Variants in CLPB observed in about 807,000 individuals in gnomAD.
CLPB encodes ClpB family mitochondrial disaggregase.
CLPB carries 40 observed loss-of-function variants against 78.4 expected under a neutral mutation model. The ratio of observed to expected loss-of-function variants is 0.51; its 90% CI spans 0.40 to 0.66. The LOEUF is 0.66. Ranked by LOEUF, CLPB falls within the 30% of genes least tolerant of loss-of-function variation. The pLI, the probability that CLPB is intolerant of heterozygous loss-of-function variation, is 0.00. For synonymous variants in CLPB, 333 were observed against 348.0 expected (o/e 0.96, Z 0.48); for missense variants, 780 against 886.9 (o/e 0.88, Z 1.53).
At chr11:72,399,485 A>G (rs996810782) in intron 3 of CLPB, among the ~76,000 whole-genome samples, 1 of 152,344 alleles carries the variant, frequency 6.6e-6, no homozygotes, top group African/African-American at 2.4e-5. Context: ...AAATTAAATT[A>G]TTGTGCATAT....
chr11:72,409,156 C>T (rs1259844896), intron 2 of CLPB, among the ~76,000 whole-genome samples: 1 of 152,152 alleles, frequency 6.6e-6, no homozygotes, highest in African/African-American at 2.4e-5. Context: ...CATAGTGGGC[C>T]TTTCTGGGCT....
intron 2 of CLPB, among the ~76,000 whole-genome samples, chr11:72,415,763 G>A (rs761026879): frequency 1.2e-4 from 19 of 152,168 alleles, no homozygotes; most frequent in Non-Finnish European, 1.2e-4. Flanking sequence ...GGAGTGTAAC[G>A]CAGCTGCCAA....
chr11:72,351,075 A>G (rs962095823), intron 5 of CLPB, among the ~76,000 whole-genome samples: 6 of 152,238 alleles, frequency 3.9e-5, no homozygotes, highest in African/African-American at 1.2e-4. Context: ...AACCTTTAGT[A>G]TTCAATCACC....
intron 7 of CLPB, among the ~76,000 whole-genome samples, chr11:72,316,436 C>T (rs868620301): frequency 3.2e-4 from 49 of 152,138 alleles, no homozygotes; most frequent in Admixed American, 7.9e-4. Flanking sequence ...GCTCCAGAGT[C>T]GGAGAACAAA....
intron 2 of CLPB, among the ~76,000 whole-genome samples, chr11:72,424,747 G>A (rs546301795): frequency 5.9e-5 from 9 of 152,256 alleles, no homozygotes; most frequent in African/African-American, 1.2e-4. Context: ...TTAGCCGGGC[G>A]CGTTGGCGGG....
At chr11:72,369,964 C>T (rs1157916875) in intron 4 of CLPB, among the ~76,000 whole-genome samples, 1 of 152,096 alleles carries the variant, frequency 6.6e-6, no homozygotes, top group African/African-American at 2.4e-5. Flanking sequence ...ACAGCTCGAC[C>T]GTCATCTGTA....
intron 2 of CLPB, among the ~76,000 whole-genome samples, chr11:72,427,735 G>T (rs1052138313): frequency 6.6e-6 from 1 of 152,144 alleles, no homozygotes; most frequent in Admixed American, 6.5e-5. Flanking sequence ...TTAGGTTTGG[G>T]TAAGTATACT....
intron 11 of CLPB, 126 bp from the exon 12 acceptor site, chr11:72,295,774 G>T: frequency 2.2e-6 from 2 of 895,246 alleles, no homozygotes; most frequent in Non-Finnish European, 3.4e-6. Context: ...AGCCCCAGCA[G>T]CCAGCTGCTT....
chr11:72,345,210 G>A (rs967219646), intron 5 of CLPB, among the ~76,000 whole-genome samples: 1 of 152,094 alleles, frequency 6.6e-6, no homozygotes, highest in African/African-American at 2.4e-5. Flanking sequence ...CCTCCAACAA[G>A]ACCAAAATAT....
Position 72,406,605 on chromosome 11 carries a change from G to A in CLPB, c.456-3553C>T, listed in dbSNP as rs1855717016. ...CTATCTCACTTCCATCATTTTGATGGAACAAAGTGTTGCACTCTCAAGCTG... is the reference window on the plus strand; with the variant it reads ...CTATCTCACTTCCATCATTTTGATGAAACAAAGTGTTGCACTCTCAAGCTG... On this transcript the variant is annotated intron_variant, in intron 2 of 15. Coordinates refer to ENST00000538039, the MANE Select transcript of CLPB (RefSeq NM_001258392.3). 3.3e-5 allele frequency among the ~76,000 whole-genome samples: 5 copies of A among 152,136 alleles called. No individual in the cohort carries two copies. The South Asian group carries it at 1.0e-3, about 32-fold the overall frequency.
chr11:72,359,693 T>C (rs1950796362), intron 4 of CLPB, among the ~76,000 whole-genome samples: 1 of 152,236 alleles, frequency 6.6e-6, no homozygotes, highest in African/African-American at 2.4e-5. Flanking sequence ...GATTTTGATA[T>C]ATGTTCTTCC....
chr11:72,326,843 T>C (rs547673058), intron 6 of CLPB, among the ~76,000 whole-genome samples: 6 of 152,230 alleles, frequency 3.9e-5, no homozygotes, highest in Non-Finnish European at 7.3e-5. Flanking sequence ...GGAAGCTTTT[T>C]GCAGTTTGGA....
At chr11:72,308,055 C>T (rs548838219) in intron 8 of CLPB, among the ~76,000 whole-genome samples, 7 of 152,264 alleles carry the variant, frequency 4.6e-5, no homozygotes, top group African/African-American at 1.7e-4. Context: ...TAATCCAGCC[C>T]AACTGGCTAG....
At position 72,292,581 on chromosome 11, in the gene CLPB, G is replaced by A. The variant is rs1250886582; in HGVS notation, c.*786C>T. The A allele has an allele frequency of 6.6e-6, 1 of 152,400 alleles. No homozygotes were observed. Among genetic ancestry groups the A allele is most frequent in the Non-Finnish European group, 1.5e-5 (1 of 68,206 alleles). 9.4% of individuals were successfully genotyped at this position (152,400 alleles called of 1,614,324 possible). ...CCTACAGCTTCCTAATGTCTGCGAT[G>A]TTGGTCTTTTGAAGGAGGCCCCCAC... On this transcript the variant is annotated 3_prime_UTR_variant, in exon 16 of 16. Transcript: ENST00000538039.
intron 1 of CLPB, chr11:72,430,632 C>T (rs144322204): frequency 4.6e-5 from 22 of 473,258 alleles, no homozygotes; most frequent in Admixed American, 1.5e-4. Flanking sequence ...GCTAGCACCA[C>T]GTCTTGCCTA....
rs77195493 is a variant in CLPB, at chr11:72,433,233, T to C, written c.403+839A>G. Among the ~76,000 whole-genome samples the C allele has an allele frequency of 1.2e-4, 18 of 152,108 alleles. No homozygotes were observed. In the East Asian group the frequency reaches 3.5e-3, roughly 29 times the overall value. ...AAAAAGAGTCAAAATAACAGTACTG[T>C]AAAAATGTTGGGAAACTATCCTTCA... On this transcript the variant is annotated intron_variant, in intron 1 of 15. Coordinates refer to ENST00000538039, the MANE Select transcript of CLPB (RefSeq NM_001258392.3).
At position 72,434,167 on chromosome 11, in the gene CLPB, C is replaced by G; in HGVS notation, c.308G>C (p.Ser103Thr). ...GGCCCTGCTGGGGACCCCGTTCCAGCTGTCCTGTCCTGGGAGTGTTTCTTC... is the reference window on the plus strand; with the variant it reads ...GGCCCTGCTGGGGACCCCGTTCCAGGTGTCCTGTCCTGGGAGTGTTTCTTC... ...GPEETLPGQD[S>T]WNGVPSRAGL... Residue 103 changes from serine (S) to threonine (T), a missense_variant, in exon 1 of 16, where the codon AGC (serine) becomes ACC (threonine). Coordinates refer to ENST00000538039, the MANE Select transcript of CLPB (RefSeq NM_001258392.3). 6.2e-7 allele frequency: 1 copy of G among 1,613,146 alleles called. No homozygotes were observed. Among genetic ancestry groups the G allele is most frequent in the South Asian group, 1.1e-5 (1 of 91,082 alleles).
intron 4 of CLPB, among the ~76,000 whole-genome samples, chr11:72,374,291 A>G (rs535510326): frequency 2.2e-4 from 33 of 152,318 alleles, no homozygotes; most frequent in Non-Finnish European, 3.7e-4. Flanking sequence ...TAAGATGGGT[A>G]TTGTTTTTAC....
At chr11:72,294,953 G>A (rs1949524041) in intron 12 of CLPB, among the ~76,000 whole-genome samples, 1 of 149,164 alleles carries the variant, frequency 6.7e-6, no homozygotes, top group African/African-American at 2.5e-5. Context: ...GAGAGGAAAC[G>A]TCAGGATTAA....
Sources: gnomAD v4.1 joint callset for allele counts (sites outside exome capture counted in the v4.1 genomes callset) on GRCh38, gnomAD v4.1.1 for gene constraint, MANE v1.5 for transcripts, NCBI Gene and HGNC (gene_info 2026-07-23, HGNC 2026-07-21) for gene names.